The following TAFA1 variants were observed in gnomAD, a reference collection of about 807,000 sequenced individuals.
TAFA1 encodes the protein TAFA chemokine like family member 1.
In TAFA1, 4 loss-of-function variants were observed where a neutral mutation model predicts 18.5. That is an observed-to-expected ratio of 0.22 (90% CI 0.11 to 0.49). The LOEUF is 0.49. Ranked by LOEUF, TAFA1 falls within the 20% of genes least tolerant of loss-of-function variation. The pLI is 0.98. For missense variants in TAFA1, 147 were observed against 169.0 expected (o/e 0.87, Z 0.72); for synonymous variants, 56 against 55.2 (o/e 1.01, Z -0.06).
At chr3:68,092,494 T>C (rs1382816299) in intron 2 of TAFA1, among the ~76,000 whole-genome samples, 1 of 152,144 alleles carries the variant, frequency 6.6e-6, no homozygotes, top group African/African-American at 2.4e-5. Flanking sequence ...GAAGAACAGA[T>C]ACCAGTGTGG....
At chr3:68,531,129 G>A (rs941571335) in intron 3 of TAFA1, among the ~76,000 whole-genome samples, 3 of 152,124 alleles carry the variant, frequency 2.0e-5, no homozygotes, top group African/African-American at 7.2e-5. Context: ...GCTTGGGAAA[G>A]TTACTTAGTC....
At chr3:68,445,926 G>A (rs1355081569) in intron 3 of TAFA1, among the ~76,000 whole-genome samples, 3 of 152,046 alleles carry the variant, frequency 2.0e-5, no homozygotes, top group Admixed American at 1.3e-4. Context: ...TCTAAGAGAT[G>A]GGATTTCACT....
intron 2 of TAFA1, among the ~76,000 whole-genome samples, chr3:68,017,786 C>T (rs914242946): frequency 2.6e-5 from 4 of 152,176 alleles, no homozygotes; most frequent in Non-Finnish European, 5.9e-5. Context: ...TTTGAGTCCT[C>T]GCCTGATTCT....
intron 2 of TAFA1, among the ~76,000 whole-genome samples, chr3:68,393,430 C>G (rs1181740654): frequency 6.7e-6 from 1 of 150,278 alleles, no homozygotes; most frequent in Non-Finnish European, 1.5e-5. Flanking sequence ...TTCTACCAGA[C>G]TTTCAAAGAG....
At chr3:68,447,425 A>G (rs1015116058) in intron 3 of TAFA1, among the ~76,000 whole-genome samples, 3 of 152,168 alleles carry the variant, frequency 2.0e-5, no homozygotes, top group Non-Finnish European at 4.4e-5. Flanking sequence ...GCTAGATTTG[A>G]TAACTCAATT....
chr3:68,452,765 T>TATTG (rs1193176011), intron 3 of TAFA1, among the ~76,000 whole-genome samples: 1 of 152,200 alleles, frequency 6.6e-6, no homozygotes, highest in Non-Finnish European at 1.5e-5. Context: ...GTTTTCTAGA[T>TATTG]ATTGAACATG....
chr3:67,995,461 A>G, the TAFA1 span, among the ~76,000 whole-genome samples: 5 of 152,232 alleles, frequency 3.3e-5, no homozygotes, highest in South Asian at 1.0e-3. Flanking sequence ...AGGGACTCCA[A>G]ACATGAGCAT....
At chr3:68,529,082 A>G (rs1002119204) in intron 3 of TAFA1, among the ~76,000 whole-genome samples, 1 of 151,786 alleles carries the variant, frequency 6.6e-6, no homozygotes, top group African/African-American at 2.4e-5. Flanking sequence ...GACCTACCCC[A>G]TGCCACTCAA....
chr3:68,168,370 G>A (rs1383745892), intron 2 of TAFA1, among the ~76,000 whole-genome samples: 3 of 152,204 alleles, frequency 2.0e-5, no homozygotes. Flanking sequence ...TCACTGAAAT[G>A]TCAGAATGTG....
At chr3:68,088,529 G>C (rs1357241988) in intron 2 of TAFA1, among the ~76,000 whole-genome samples, 1 of 152,270 alleles carries the variant, frequency 6.6e-6, no homozygotes, top group Admixed American at 6.5e-5. Context: ...CTGAAAATGA[G>C]AGCACAGTGC....
At chr3:68,261,667 C>CA (rs529309701) in intron 2 of TAFA1, among the ~76,000 whole-genome samples, 247 of 151,990 alleles carry the variant, frequency 1.6e-3, no homozygotes, top group Non-Finnish European at 1.7e-3. Context: ...ATCACAAGGA[C>CA]AAAAAACCAA....
chr3:68,480,681 G>A (rs1338344243), intron 3 of TAFA1, among the ~76,000 whole-genome samples: 1 of 152,178 alleles, frequency 6.6e-6, no homozygotes, highest in Non-Finnish European at 1.5e-5. Flanking sequence ...CAGAAATCCA[G>A]TTGTCAGTAG....
At chr3:68,070,037 G>A (rs369839365) in intron 2 of TAFA1, among the ~76,000 whole-genome samples, 1 of 152,268 alleles carries the variant, frequency 6.6e-6, no homozygotes, top group East Asian at 1.9e-4. Flanking sequence ...ACCATTCTGG[G>A]GACTGGGGGA....
At chr3:68,087,162 T>A (rs570733108) in intron 2 of TAFA1, among the ~76,000 whole-genome samples, 1 of 152,314 alleles carries the variant, frequency 6.6e-6, no homozygotes, top group East Asian at 1.9e-4. Flanking sequence ...AGGAATAGAA[T>A]CTAATTTATA....
chr3:68,263,478 C>CAT (rs2067478999), intron 2 of TAFA1, among the ~76,000 whole-genome samples: 1 of 151,558 alleles, frequency 6.6e-6, no homozygotes, highest in Non-Finnish European at 1.5e-5. Flanking sequence ...CACACACACA[C>CAT]ACATTTTGTA....
intron 2 of TAFA1, among the ~76,000 whole-genome samples, chr3:68,362,991 T>TC (rs2069498130): frequency 6.7e-6 from 1 of 149,844 alleles, no homozygotes; most frequent in Non-Finnish European, 1.5e-5. Context: ...TTTTTTTTTT[T>TC]TTTTTTTTAA....
chr3:68,322,470 T>C (rs1315373972), intron 2 of TAFA1, among the ~76,000 whole-genome samples: 1 of 152,154 alleles, frequency 6.6e-6, no homozygotes, highest in Admixed American at 6.5e-5. Flanking sequence ...TTGTATCCAC[T>C]TTATTAGGAG....
intron 2 of TAFA1, among the ~76,000 whole-genome samples, chr3:68,287,789 G>A (rs1379178270): frequency 2.0e-5 from 3 of 151,894 alleles, no homozygotes; most frequent in Non-Finnish European, 2.9e-5. Context: ...ACGCCCCGAA[G>A]CAAGGCCCAT....
At position 68,077,885 on chromosome 3, in the gene TAFA1, G is replaced by A. The variant is rs979205195; in HGVS notation, c.118+71141G>A. The stretch of plus-strand genomic sequence containing the variant: ...GCTTGATGGGGATGGCATTGAATCT[G>A]TAAATTACCTTGGGCAGTATGGACA... On this transcript the variant is annotated intron_variant, in intron 2 of 4. Coordinates refer to ENST00000478136, the MANE Select transcript of TAFA1 (RefSeq NM_213609.4). Among the ~76,000 whole-genome samples, 371 of 151,882 alleles carry A rather than the reference G, an allele frequency of 2.4e-3. 3 individuals carry two copies. Among genetic ancestry groups the A allele is most frequent in the Non-Finnish European group, 3.9e-3 (267 of 68,008 alleles).
Sources: allele counts gnomAD v4.1 joint callset (sites outside exome capture counted in the v4.1 genomes callset), GRCh38; gene constraint gnomAD v4.1.1; transcripts MANE v1.5; gene names NCBI Gene and HGNC (gene_info 2026-07-23, HGNC 2026-07-21).